SGCZ: variants seen among roughly 807,000 people sequenced by gnomAD.
The protein encoded by SGCZ is sarcoglycan zeta, also known as zeta-sarcoglycan.
In SGCZ, 40 loss-of-function variants were observed where a neutral mutation model predicts 41.3. That is an observed-to-expected ratio of 0.97 (90% CI 0.75 to 1.26). SGCZ has a LOEUF of 1.26. Ranked by LOEUF, SGCZ falls within the 50% of genes most tolerant of loss-of-function variation. The pLI is 0.00. For missense variants in SGCZ, 552 were observed against 369.8 expected, an observed-to-expected ratio of 1.49 and a Z score of -4.04; for synonymous variants, 206 against 137.5, an observed-to-expected ratio of 1.50 and a Z score of -3.49.
chr8:14,099,172 G>A (rs933520168), intron 7 of SGCZ, among the ~76,000 whole-genome samples: 3 of 152,136 alleles, frequency 2.0e-5, no homozygotes, highest in Non-Finnish European at 4.4e-5. Context: ...CACCTACCTA[G>A]ATTTGTGCAG....
At chr8:14,104,184 T>C (rs1309823952) in intron 6 of SGCZ, among the ~76,000 whole-genome samples, 1 of 152,170 alleles carries the variant, frequency 6.6e-6, no homozygotes, top group Non-Finnish European at 1.5e-5. Context: ...TTCTATGTAA[T>C]TAGTCAGTGA....
chr8:15,130,505 G>T (rs1177839926), intron 1 of SGCZ, among the ~76,000 whole-genome samples: 1 of 152,158 alleles, frequency 6.6e-6, no homozygotes, highest in African/African-American at 2.4e-5. Flanking sequence ...AATATTACAG[G>T]AAGCTAAACT....
chr8:14,908,870 C>T (rs765357326), intron 1 of SGCZ, among the ~76,000 whole-genome samples: 5 of 151,768 alleles, frequency 3.3e-5, no homozygotes, highest in African/African-American at 4.8e-5. Flanking sequence ...CATTTATATG[C>T]GACGAATAGT....
intron 2 of SGCZ, among the ~76,000 whole-genome samples, chr8:14,431,471 A>T (rs1324932095): frequency 2.3e-5 from 1 of 43,816 alleles, no homozygotes; most frequent in Non-Finnish European, 9.0e-5. Flanking sequence ...TAGTGCTGGG[A>T]AAATTGGCCA....
Position 14,812,526 on chromosome 8 carries a change from C to T in SGCZ, c.40-257600G>A, listed in dbSNP as rs534725864. On this transcript the variant is annotated intron_variant, in intron 1 of 7. Transcript: ENST00000382080. ...ACGTGAACATTTCAGTCTGCTCAAA[C>T]GTTGGCTTCATTTGAATTCTTTCCA... Among the ~76,000 whole-genome samples, 18 of 152,186 alleles carry T rather than the reference C, an allele frequency of 1.2e-4. No individual in the cohort carries two copies. In the South Asian group the frequency reaches 2.9e-3, roughly 25 times the overall value.
chr8:14,130,294 A>G (rs1333962708), intron 5 of SGCZ, among the ~76,000 whole-genome samples: 1 of 152,094 alleles, frequency 6.6e-6, no homozygotes, highest in Non-Finnish European at 1.5e-5. Context: ...CTAAAATGAA[A>G]AAAAAAACAA....
intron 2 of SGCZ, among the ~76,000 whole-genome samples, chr8:14,347,598 CT>C (rs1802933716): frequency 1.3e-5 from 2 of 148,496 alleles, no homozygotes; most frequent in African/African-American, 5.0e-5. Context: ...TCTACATATA[CT>C]TTATAAAATA....
intron 5 of SGCZ, among the ~76,000 whole-genome samples, chr8:14,158,434 A>G (rs1803941195): frequency 1.3e-5 from 2 of 152,290 alleles, no homozygotes; most frequent in Non-Finnish European, 2.9e-5. Flanking sequence ...AAAGCTGACT[A>G]GATGGTGCCC....
chr8:14,668,017 C>T (rs1471319073), intron 1 of SGCZ, among the ~76,000 whole-genome samples: 1 of 152,136 alleles, frequency 6.6e-6, no homozygotes, highest in Non-Finnish European at 1.5e-5. Flanking sequence ...AGTGCAGTGG[C>T]ACAATCCCGG....
At chr8:14,747,879 A>ATTTTTT (rs375144725) in intron 1 of SGCZ, among the ~76,000 whole-genome samples, 13 of 130,334 alleles carry the variant, frequency 1.0e-4, no homozygotes, top group Non-Finnish European at 9.6e-5. Context: ...CAACTGACTA[A>ATTTTTT]TTTTTTTTTT....
chr8:14,268,165 AC>A (rs1379350261), intron 3 of SGCZ, among the ~76,000 whole-genome samples: 4 of 150,150 alleles, frequency 2.7e-5, no homozygotes, highest in African/African-American at 9.7e-5. Flanking sequence ...AAAAACAGAA[AC>A]AACGGAAGCA....
At chr8:14,211,215 T>C (rs1257843939) in intron 4 of SGCZ, among the ~76,000 whole-genome samples, 2 of 152,158 alleles carry the variant, frequency 1.3e-5, no homozygotes, top group East Asian at 3.9e-4. Context: ...GTGTTTTGCT[T>C]GCAGGACTCC....
intron 1 of SGCZ, among the ~76,000 whole-genome samples, chr8:14,569,117 C>G (rs1238352987): frequency 3.9e-5 from 6 of 152,236 alleles, no homozygotes; most frequent in Non-Finnish European, 7.4e-5. Context: ...ACCCCCATGT[C>G]TGAATCAATA....
chr8:15,194,031 G>C (rs950290849), intron 1 of SGCZ, among the ~76,000 whole-genome samples: 1 of 152,104 alleles, frequency 6.6e-6, no homozygotes, highest in Non-Finnish European at 1.5e-5. Context: ...TATGTTTTCT[G>C]AGTTGACCCT....
intron 2 of SGCZ, among the ~76,000 whole-genome samples, chr8:14,500,587 A>C (rs1246656983): frequency 6.6e-6 from 1 of 152,042 alleles, no homozygotes. Context: ...TTTTGTGGAG[A>C]TGTGGGTATA....
At chr8:14,574,489 G>A (rs1804650612) in intron 1 of SGCZ, among the ~76,000 whole-genome samples, 1 of 152,102 alleles carries the variant, frequency 6.6e-6, no homozygotes, top group South Asian at 2.1e-4. Context: ...CATGTACCAG[G>A]GAAGAAGAAA....
At chr8:14,505,570 T>G (rs1802281707) in intron 2 of SGCZ, among the ~76,000 whole-genome samples, 1 of 152,164 alleles carries the variant, frequency 6.6e-6, no homozygotes, top group Non-Finnish European at 1.5e-5. Context: ...CTTTGTATCT[T>G]TCTAGGTTTT....
intron 2 of SGCZ, among the ~76,000 whole-genome samples, chr8:14,469,603 G>A (rs4831596): frequency 1 from 152,101 of 152,190 alleles, 76,006 homozygotes; most frequent in Non-Finnish European, 1. Flanking sequence ...TGGAATGATG[G>A]CCAGTATCCC....
intron 1 of SGCZ, among the ~76,000 whole-genome samples, chr8:14,636,635 G>A (rs13268099): frequency 0.33 from 50,696 of 151,616 alleles, 8,779 homozygotes; most frequent in East Asian, 0.62. Context: ...AGACAACCAA[G>A]CAGGAATGTC....
Sources: allele counts gnomAD v4.1 joint callset (sites outside exome capture counted in the v4.1 genomes callset), GRCh38; gene constraint gnomAD v4.1.1; transcripts MANE v1.5; gene names NCBI Gene and HGNC (gene_info 2026-07-23, HGNC 2026-07-21).